The following MRPS18A variants were observed in gnomAD, a reference collection of about 807,000 sequenced individuals.
The protein encoded by MRPS18A is large ribosomal subunit protein mL66.
A neutral mutation model predicts 22.7 loss-of-function variants in MRPS18A; 20 were observed. The ratio of observed to expected loss-of-function variants is 0.88; its 90% CI spans 0.62 to 1.28. MRPS18A has a LOEUF of 1.28. MRPS18A is among the 50% of genes most tolerant of loss of function. The pLI is 0.00. For missense variants in MRPS18A, 294 were observed against 262.6 expected (o/e 1.12, Z -0.83); for synonymous variants, 106 against 99.1 (o/e 1.07, Z -0.41).
chr6:43,681,204 C>A, intron 1 of MRPS18A, 84 bp from the exon 2 acceptor site: 1 of 1,427,510 alleles, frequency 7.0e-7, no homozygotes, highest in South Asian at 1.2e-5. Flanking sequence ...TTCTACACAT[C>A]TGGAAAAAAG....
chr6:43,675,157 C>T lies in MRPS18A; in HGVS notation c.446+45G>A, dbSNP rs772368068. Reference sequence around the variant, plus strand: ...GACAGCCAAGGTGCACCCTAGTTTTCCTGAGCGCAGAACGCTCAGGTTGTT... The same window carrying T: ...GACAGCCAAGGTGCACCCTAGTTTTTCTGAGCGCAGAACGCTCAGGTTGTT... On this transcript the variant is annotated intron_variant, in intron 5 of 5. Coordinates refer to ENST00000372133, the MANE Select transcript of MRPS18A (RefSeq NM_018135.4). 1.0e-5 allele frequency: 15 copies of T among 1,462,086 alleles called. No homozygotes were observed. In the South Asian group the frequency reaches 2.2e-4, roughly 21 times the overall value. The allele number at this position is 1,462,086 out of a possible 1,614,324, so 90.6% of individuals were successfully genotyped here.
At chr6:43,678,449 C>A (rs1249312900) in intron 3 of MRPS18A, 69 bp downstream of exon 3, 6 of 1,180,646 alleles carry the variant, frequency 5.1e-6, no homozygotes, top group Non-Finnish European at 7.6e-6. Context: ...GGACATGCTG[C>A]TCCAGTTAAC....
chr6:43,681,018 T>C, intron 2 of MRPS18A, 71 bp downstream of exon 2: 1 of 1,495,124 alleles, frequency 6.7e-7, no homozygotes, highest in Non-Finnish European at 9.3e-7. Context: ...GGCCCCTCCC[T>C]CCCTCAGAGG....
intron 5 of MRPS18A, 44 bp downstream of exon 5, chr6:43,675,158 C>G: frequency 6.8e-7 from 1 of 1,467,556 alleles, no homozygotes; most frequent in Middle Eastern, 2.4e-4. Context: ...CCTAGTTTTC[C>G]TGAGCGCAGA....
chr6:43,672,264 A>T (rs1325569249), intron 5 of MRPS18A: 1 of 435,118 alleles, frequency 2.3e-6, no homozygotes, highest in Non-Finnish European at 4.7e-6. Flanking sequence ...GGGCGAGAAG[A>T]GCTGATGTAA....
chr6:43,675,261 T>G lies in MRPS18A; in HGVS notation c.387A>C (p.Pro129=). The change falls in exon 5 of 6, where the codon CCA becomes CCC. Residue 129 remains proline, a synonymous_variant. Transcript: ENST00000372133. ...VKMAHRAGLL[P]NHRPRLPEGV... Reference sequence around the variant, plus strand: ...CTTCAGGAAGCCGAGGCCTGTGATTTGGTAATAGACCTGAGTGGCGGGGAA... The same window carrying G: ...CTTCAGGAAGCCGAGGCCTGTGATTGGGTAATAGACCTGAGTGGCGGGGAA... 2 of 1,526,910 alleles carry G rather than the reference T, an allele frequency of 1.3e-6. No individual in the cohort carries two copies. The highest frequency in any genetic ancestry group is 1.4e-5 in the African/African-American group (1 of 72,108). The allele number at this position is 1,526,910 out of a possible 1,614,324, so 94.6% of individuals were successfully genotyped here. A position where few individuals can be genotyped will look rare whatever the true frequency, so the allele number is the denominator to read the frequency against.
chr6:43,676,350 GTA>G (rs1229149457), intron 3 of MRPS18A, among the ~76,000 whole-genome samples: 1 of 152,172 alleles, frequency 6.6e-6, no homozygotes, highest in African/African-American at 2.4e-5. Flanking sequence ...ACAAGCCAGA[GTA>G]TATGCAAACA....
Position 43,671,618 on chromosome 6 carries a change from C to G in MRPS18A, c.*144G>C. On this transcript the variant is annotated 3_prime_UTR_variant, in exon 6 of 6. Coordinates refer to ENST00000372133, the MANE Select transcript of MRPS18A (RefSeq NM_018135.4). ...AGGCCAAGGGTACTGAAGTTAGTCC[C>G]ACTGTCCCCTGTCCATGCATGTTGG... is the stretch of plus-strand genomic sequence containing the variant. The G allele has an allele frequency of 1.1e-6, 1 of 942,986 alleles. No individual in the cohort carries two copies. The highest frequency in any genetic ancestry group is 2.5e-5 in the East Asian group (1 of 40,110). The allele number at this position is 942,986 out of a possible 1,614,324, so 58.4% of individuals were successfully genotyped here.
At chr6:43,676,228 G>A (rs1006420601) in intron 3 of MRPS18A, among the ~76,000 whole-genome samples, 1 of 152,156 alleles carries the variant, frequency 6.6e-6, no homozygotes, top group African/African-American at 2.4e-5. Flanking sequence ...TTATGTACCT[G>A]AAGCATCTTT....
At chr6:43,677,781 G>C (rs926000588) in intron 3 of MRPS18A, among the ~76,000 whole-genome samples, 3 of 152,150 alleles carry the variant, frequency 2.0e-5, no homozygotes, top group Non-Finnish European at 4.4e-5. Flanking sequence ...GGGTTACTGT[G>C]AAAACTAAGT....
At position 43,671,664 on chromosome 6, in the gene MRPS18A, G is replaced by T; in HGVS notation, c.*98C>A. ...GTTGGAGGGACCAGGCCATCGTGGTGGGGTGGGACAGGAGTATAGTTGTGG... is the reference window on the plus strand; with the variant it reads ...GTTGGAGGGACCAGGCCATCGTGGTTGGGTGGGACAGGAGTATAGTTGTGG... On this transcript the variant is annotated 3_prime_UTR_variant, in exon 6 of 6. Transcript: ENST00000372133. 1 of 1,414,206 alleles carries T rather than the reference G, an allele frequency of 7.1e-7. No individual in the cohort carries two copies. Among genetic ancestry groups the T allele is most frequent in the South Asian group, 1.2e-5 (1 of 84,478 alleles). The allele number at this position is 1,414,206 out of a possible 1,614,324, so 87.6% of individuals were successfully genotyped here.
intron 1 of MRPS18A, 65 bp downstream of exon 1, chr6:43,687,603 G>T: frequency 7.4e-7 from 1 of 1,353,348 alleles, no homozygotes; most frequent in Non-Finnish European, 1.0e-6. Flanking sequence ...AGCGCACCGG[G>T]GCTGGCGGAA....
intron 5 of MRPS18A, 118 bp from the exon 6 acceptor site, chr6:43,672,024 GT>G: frequency 8.2e-7 from 1 of 1,222,064 alleles, no homozygotes; most frequent in African/African-American, 1.5e-5. Context: ...CCTTTCACCA[GT>G]TTCCCTTTCC....
In MRPS18A at chr6:43,675,618, C is replaced by T. The variant is rs199768351; in HGVS notation, c.253-1G>A. 1.9e-6 allele frequency: 3 copies of T among 1,602,486 alleles called. No homozygotes were observed. Among genetic ancestry groups the T allele is most frequent in the African/African-American group, 1.3e-5 (1 of 74,776 alleles). On this transcript the variant is annotated splice_acceptor_variant, in intron 3 of 5. Transcript: ENST00000372133. LOFTEE classifies it high-confidence loss of function. ...TGAACTGGCTAAGCAGCAGAACATC[C>T]TAGTGGAAACCGAAAATAGGGGATG...
At chr6:43,680,996 G>T in intron 2 of MRPS18A, 93 bp downstream of exon 2, 1 of 1,172,198 alleles carries the variant, frequency 8.5e-7, no homozygotes, top group South Asian at 1.3e-5. Context: ...CTGGAGCTGG[G>T]CGTCCAGTTT....
intron 1 of MRPS18A, among the ~76,000 whole-genome samples, chr6:43,684,893 A>G (rs908463122): frequency 6.6e-6 from 1 of 152,190 alleles, no homozygotes; most frequent in African/African-American, 2.4e-5. Context: ...TTCCTTCACA[A>G]GGGCTCTAAG....
chr6:43,678,658 G>C (rs1317942331), intron 2 of MRPS18A, 33 bp from the exon 3 acceptor site: 3 of 1,487,852 alleles, frequency 2.0e-6, no homozygotes, highest in Admixed American at 3.4e-5. Flanking sequence ...CAGTGTGAGA[G>C]ACAGGACCTG....
rs770105217 is a variant in MRPS18A at position 43,679,043 on chromosome 6, G to A, written c.145-418C>T. 1.1e-4 allele frequency among the ~76,000 whole-genome samples: 16 copies of A among 152,196 alleles called. 1 individual carries two copies. Among genetic ancestry groups the A allele is most frequent in the Non-Finnish European group, 2.2e-4 (15 of 68,040 alleles). On this transcript the variant is annotated intron_variant, in intron 2 of 5. Coordinates refer to ENST00000372133, the MANE Select transcript of MRPS18A (RefSeq NM_018135.4). Reference sequence around the variant, plus strand: ...AAGTTTTAAGTGGCACAGGGATATAGAGTCCAAAGAAAGCCTCCCTCCCAT... The same window carrying A: ...AAGTTTTAAGTGGCACAGGGATATAAAGTCCAAAGAAAGCCTCCCTCCCAT...
chr6:43,686,333 T>A (rs773345555), intron 1 of MRPS18A, among the ~76,000 whole-genome samples: 3 of 151,462 alleles, frequency 2.0e-5, no homozygotes, highest in Non-Finnish European at 4.4e-5. Context: ...TGGGAACAAA[T>A]GAAACATCCA....
Sources: gnomAD v4.1 joint callset for allele counts (sites outside exome capture counted in the v4.1 genomes callset) on GRCh38, gnomAD v4.1.1 for gene constraint, MANE v1.5 for transcripts, NCBI Gene and HGNC (gene_info 2026-07-23, HGNC 2026-07-21) for gene names.